LPIN1: variants seen among roughly 807,000 people sequenced by gnomAD.
LPIN1 encodes lipin 1.
A neutral mutation model predicts 107.5 loss-of-function variants in LPIN1; 71 were observed. The ratio of observed to expected loss-of-function variants is 0.66; its 90% CI spans 0.55 to 0.80. LPIN1 has a LOEUF of 0.80. LPIN1 is among the 30% of genes least tolerant of loss of function. The pLI is 0.00. For synonymous variants in LPIN1, 445 were observed against 452.6 expected, an observed-to-expected ratio of 0.98 and a Z score of 0.21; for missense variants, 1,043 against 1,160.6, an observed-to-expected ratio of 0.90 and a Z score of 1.47.
intron 19 of LPIN1, among the ~76,000 whole-genome samples, chr2:11,820,025 G>A (rs79113121): frequency 0.013 from 1,927 of 152,260 alleles, 51 homozygotes; most frequent in African/African-American, 0.044. Context: ...TGTATTGCCC[G>A]CATTTACTGG....
chr2:11,783,256 G>A lies in LPIN1; in HGVS notation c.1265-573G>A, dbSNP rs148162859. ...ACAGTGTGGGATGCTTTGCCTCGGG[G>A]TATTGATGGGGAAGTGCCTAATAAA... On this transcript the variant is annotated intron_variant, in intron 8 of 20. Coordinates refer to ENST00000674199, the MANE Select transcript of LPIN1 (RefSeq NM_001349206.2). Among the ~76,000 whole-genome samples, 832 of 152,336 alleles carry A rather than the reference G, an allele frequency of 5.5e-3. 6 individuals are homozygous for A. Among genetic ancestry groups the A allele is most frequent in the Middle Eastern group, 0.01 (3 of 294 alleles).
At chr2:11,767,245 G>A (rs1232286191) in intron 2 of LPIN1, among the ~76,000 whole-genome samples, 1 of 152,126 alleles carries the variant, frequency 6.6e-6, no homozygotes, top group Non-Finnish European at 1.5e-5. Context: ...TTGAGTATGT[G>A]TGAAGGATCC....
chr2:11,754,736 G>C (rs1006717253), intron 1 of LPIN1, among the ~76,000 whole-genome samples: 1 of 152,314 alleles, frequency 6.6e-6, no homozygotes, highest in African/African-American at 2.4e-5. Flanking sequence ...GGTGGGCTCA[G>C]TCAGAGCCAT....
At chr2:11,773,336 C>T (rs768685339) in intron 4 of LPIN1, among the ~76,000 whole-genome samples, 9 of 152,188 alleles carry the variant, frequency 5.9e-5, no homozygotes, top group South Asian at 2.1e-4. Context: ...GGAGGTGGCA[C>T]GATGGGAGGA....
chr2:11,806,231 G>A (rs1369637364), intron 17 of LPIN1, among the ~76,000 whole-genome samples: 1 of 152,214 alleles, frequency 6.6e-6, no homozygotes, highest in African/African-American at 2.4e-5. Flanking sequence ...ATCCAGAGCT[G>A]TTTCTAGAAC....
rs146853263 is a variant in LPIN1 at position 11,787,529 on chromosome 2, G to A, written c.1643+362G>A. On this transcript the variant is annotated intron_variant, in intron 11 of 20. Transcript: ENST00000674199. The stretch of plus-strand genomic sequence containing the variant: ...GATCTTCCCACCTCCGCCTCGCAAA[G>A]TGCTGGGATTTCAGGTGTGAGCCAC... Among the ~76,000 whole-genome samples the A allele has an allele frequency of 7.6e-3, 1,144 of 151,246 alleles. 18 individuals carry two copies. The highest frequency in any genetic ancestry group is 0.011 in the Non-Finnish European group (725 of 67,900).
In LPIN1 at chr2:11,785,036, C is replaced by T; in HGVS notation, c.1509C>T (p.Ser503=). ...GLRDLPSIAI[S]LCGGLSDHRE... ...GGGACCTCCCTTCCATCGCCATCTC[C>T]CTCTGCGGGGGCCTCAGCGACCACC... Residue 503 remains serine (S), a synonymous_variant, in exon 10 of 21, where the codon TCC becomes TCT. Coordinates refer to ENST00000674199, the MANE Select transcript of LPIN1 (RefSeq NM_001349206.2). The T allele has an allele frequency of 6.2e-7, 1 of 1,604,358 alleles. No individual in the cohort carries two copies. Among genetic ancestry groups the T allele is most frequent in the Non-Finnish European group, 8.5e-7 (1 of 1,175,016 alleles).
chr2:11,747,471 C>T (rs1667137286), intron 1 of LPIN1, among the ~76,000 whole-genome samples: 3 of 152,190 alleles, frequency 2.0e-5, no homozygotes, highest in Non-Finnish European at 2.9e-5. Context: ...TTTTGATCAG[C>T]AAGCAGGAAA....
At chr2:11,797,592 A>G (rs1676948618) in intron 14 of LPIN1, among the ~76,000 whole-genome samples, 1 of 152,208 alleles carries the variant, frequency 6.6e-6, no homozygotes, top group Non-Finnish European at 1.5e-5. Context: ...TGACTGCCCT[A>G]TTGGATTTCA....
At position 11,813,771 on chromosome 2, in the gene LPIN1, C is replaced by T. The variant is rs184214482; in HGVS notation, c.2250-1317C>T. Among the ~76,000 whole-genome samples, 960 of 151,804 alleles carry T rather than the reference C, an allele frequency of 6.3e-3. 17 individuals are homozygous for T. The highest frequency in any genetic ancestry group is 0.022 in the African/African-American group (905 of 41,370). On this transcript the variant is annotated intron_variant, in intron 17 of 20. Coordinates refer to ENST00000674199, the MANE Select transcript of LPIN1 (RefSeq NM_001349206.2). ...CTCTATAAAAAATACAAAAATTAGC[C>T]GGCGTGGTGGTGCATGTCTGTAATC...
At position 11,802,941 on chromosome 2, in the gene LPIN1, C is replaced by T. The variant is rs1230985282; in HGVS notation, c.1921C>T (p.Arg641Cys). ...TGAATCATCCTCCAGTGATGAGGAGCGCGCAGCTGCCAAGCCATCAAACGC... is the reference window on the plus strand; with the variant it reads ...TGAATCATCCTCCAGTGATGAGGAGTGCGCAGCTGCCAAGCCATCAAACGC... ...KHESSSSDEE[R>C]AAAKPSNAGH... The change falls in exon 15 of 21, where the codon CGC (arginine) becomes TGC (cysteine). Residue 641 changes from arginine (R) to cysteine (C), a missense_variant. Arg to Cys is a radical substitution (Grantham distance 180). Coordinates refer to ENST00000674199, the MANE Select transcript of LPIN1 (RefSeq NM_001349206.2). 21 of 1,613,302 alleles carry T rather than the reference C, an allele frequency of 1.3e-5. No individual in the cohort carries two copies. The highest frequency in any genetic ancestry group is 6.7e-5 in the African/African-American group (5 of 74,926).
At chr2:11,802,879 T>C (rs367667667) in intron 14 of LPIN1, 28 bp from the exon 15 acceptor site, 6 of 1,611,450 alleles carry the variant, frequency 3.7e-6, no homozygotes, top group Non-Finnish European at 5.1e-6. Context: ...CATTTTCTAA[T>C]TGGTGATGAC....
intron 1 of LPIN1, among the ~76,000 whole-genome samples, chr2:11,687,396 G>T (rs975723983): frequency 6.6e-6 from 1 of 152,114 alleles, no homozygotes; most frequent in Admixed American, 6.5e-5. Context: ...AAATAAATAC[G>T]ACTGTGAGAC....
upstream of LPIN1, chr2:11,746,209 A>G (rs1011341588): frequency 6.6e-6 from 1 of 152,352 alleles, no homozygotes; most frequent in African/African-American, 2.4e-5. Flanking sequence ...AGGGTCAGTA[A>G]AGTCAAGGAC....
In LPIN1 at chr2:11,774,301, T is replaced by C. The variant is rs914500299; in HGVS notation, c.722+556T>C. 6.6e-6 allele frequency among the ~76,000 whole-genome samples: 1 copy of C among 152,192 alleles called. No individual in the cohort carries two copies. The highest frequency in any genetic ancestry group is 2.4e-5 in the African/African-American group (1 of 41,448). On this transcript the variant is annotated intron_variant, in intron 5 of 20. Coordinates refer to ENST00000674199, the MANE Select transcript of LPIN1 (RefSeq NM_001349206.2). This position sits in a 1 kb window ranked among gnomAD's most constrained non-coding sequence, Gnocchi z 4.4. ...TTTACATCAGTGAAACCTCTGGGAATAGTGAGCCCCCTGGCTAGTTTTCAA... is the reference window on the plus strand; with the variant it reads ...TTTACATCAGTGAAACCTCTGGGAACAGTGAGCCCCCTGGCTAGTTTTCAA...
chr2:11,698,912 C>T (rs372909074), intron 1 of LPIN1, among the ~76,000 whole-genome samples: 256 of 152,332 alleles, frequency 1.7e-3, no homozygotes, highest in African/African-American at 5.7e-3. Context: ...TTCAAATCAG[C>T]GTCCCCTTTG....
intron 11 of LPIN1, among the ~76,000 whole-genome samples, chr2:11,787,953 A>G (rs1674950962): frequency 6.6e-6 from 1 of 152,172 alleles, no homozygotes; most frequent in East Asian, 1.9e-4. Flanking sequence ...AAAAAAAAAA[A>G]AAGAAAAGAA....
upstream of LPIN1, among the ~76,000 whole-genome samples, chr2:11,720,009 C>A (rs1664016789): frequency 6.6e-6 from 1 of 152,024 alleles, no homozygotes; most frequent in Non-Finnish European, 1.5e-5. Flanking sequence ...CTTCTCCCAC[C>A]CCAGTGGGCA....
intron 12 of LPIN1, among the ~76,000 whole-genome samples, chr2:11,791,182 A>G (rs567415242): frequency 1.5e-4 from 23 of 152,310 alleles, no homozygotes; most frequent in Non-Finnish European, 2.8e-4. Flanking sequence ...CTTAGACTGA[A>G]TCTTTCAGCT....
Sources: gnomAD v4.1 joint callset for allele counts (sites outside exome capture counted in the v4.1 genomes callset) on GRCh38, gnomAD v4.1.1 for gene constraint, Gnocchi (gnomAD v3.1) non-coding constraint, MANE v1.5 for transcripts, NCBI Gene and HGNC (gene_info 2026-07-23, HGNC 2026-07-21) for gene names.